The following SCUBE1 variants were observed in gnomAD, a reference collection of about 807,000 sequenced individuals.
SCUBE1 encodes signal peptide, CUB and EGF-like domain-containing protein 1.
A neutral mutation model predicts 124.4 loss-of-function variants in SCUBE1; 59 were observed. That is an observed-to-expected ratio of 0.47 (90% CI 0.38 to 0.59). The LOEUF is 0.59. Ranked by LOEUF, SCUBE1 falls within the 20% of genes least tolerant of loss-of-function variation. The pLI, the probability that SCUBE1 is intolerant of heterozygous loss-of-function variation, is 0.00. For missense variants in SCUBE1, 1,150 were observed against 1,371.2 expected, an observed-to-expected ratio of 0.84 and a Z score of 2.55; for synonymous variants, 545 against 550.9, an observed-to-expected ratio of 0.99 and a Z score of 0.15.
chr22:43,275,091 A>T (rs905421370), intron 4 of SCUBE1, among the ~76,000 whole-genome samples: 5 of 152,160 alleles, frequency 3.3e-5, no homozygotes, highest in Non-Finnish European at 7.4e-5. Context: ...TGTGATGTGG[A>T]GGCGAGGCTG....
At position 43,238,946 on chromosome 22, in the gene SCUBE1, C is replaced by A; in HGVS notation, c.736G>T (p.Ala246Ser). 6.2e-7 allele frequency: 1 copy of A among 1,611,326 alleles called. No homozygotes were observed. The highest frequency in any genetic ancestry group is 1.1e-5 in the South Asian group (1 of 91,066). Residue 246 changes from alanine (A) to serine (S), a missense_variant, in exon 7 of 22, where the codon GCA becomes TCA. Physicochemically the swap from Ala to Ser is moderately conservative, Grantham distance 99. Transcript: ENST00000360835. ...CGGTCGCAGCCTCCGTTATTGACTG[C>A]GCACGTCTCTGGGGAGGGAAAGAGA... Reference protein sequence around the residue: ...SDGRTCIETCAVNNGGCDRTC... With the variant: ...SDGRTCIETCSVNNGGCDRTC...
chr22:43,257,234 G>A (rs1923694626), intron 6 of SCUBE1, among the ~76,000 whole-genome samples: 1 of 152,166 alleles, frequency 6.6e-6, no homozygotes, highest in Admixed American at 6.5e-5. Flanking sequence ...ATGGGCTTCT[G>A]TCTGCTGACC....
rs1232989427 is a variant in SCUBE1 at position 43,214,113 on chromosome 22, G to A, written c.2030C>T (p.Ala677Val). The change falls in exon 16 of 22, where the codon GCC (alanine) becomes GTC (valine). Residue 677 changes from alanine to valine, a missense_variant. Ala to Val is a moderately conservative substitution (Grantham distance 64). Around this residue, in one of 3 missense-constraint regions of SCUBE1, gnomAD observed 757 missense variants for 840.9 expected, o/e 0.90. Transcript: ENST00000360835. ...PSSDGLGLPG[A>V]RNVSECGGQC... ...GCCTCCACATTCCGACACGTTGCGGGCACCAGGCAGACCAAGCCCGTCGCT... is the reference window on the plus strand; with the variant it reads ...GCCTCCACATTCCGACACGTTGCGGACACCAGGCAGACCAAGCCCGTCGCT... 1 of 1,608,980 alleles carries A rather than the reference G, an allele frequency of 6.2e-7. No individual in the cohort carries two copies. Among genetic ancestry groups the A allele is most frequent in the Non-Finnish European group, 8.5e-7 (1 of 1,178,604 alleles).
intron 10 of SCUBE1, among the ~76,000 whole-genome samples, chr22:43,224,734 C>T (rs775892343): frequency 7.2e-5 from 11 of 152,084 alleles, no homozygotes; most frequent in Non-Finnish European, 1.0e-4. Flanking sequence ...ACTGACTGCA[C>T]GGCCCTTTCC....
chr22:43,307,718 G>C (rs952481227), intron 3 of SCUBE1, among the ~76,000 whole-genome samples: 1 of 152,162 alleles, frequency 6.6e-6, no homozygotes, highest in Non-Finnish European at 1.5e-5. Context: ...CAGCCACAGC[G>C]TGAGGCCCCT....
In SCUBE1 at chr22:43,210,039, A is replaced by T. The variant is rs368428945; in HGVS notation, c.2581+4T>A. 1.4e-5 allele frequency: 22 copies of T among 1,600,066 alleles called. No homozygotes were observed. Among genetic ancestry groups the T allele is most frequent in the Non-Finnish European group, 1.6e-5 (19 of 1,172,862 alleles). On this transcript the variant is annotated splice_donor_region_variant and intron_variant, in intron 19 of 21. Transcript: ENST00000360835. The surrounding 1 kb of genome is among the most constrained non-coding windows in gnomAD (Gnocchi z 4.5). ...GCCTCTGGTCCCCTCGGCCCCCAAC[A>T]TACCACTCTTCCTCATGACCAGAAC...
chr22:43,278,960 G>C (rs867879819), intron 4 of SCUBE1, among the ~76,000 whole-genome samples: 53 of 152,164 alleles, frequency 3.5e-4, no homozygotes, highest in African/African-American at 1.2e-3. Context: ...AGACAGGTTT[G>C]GGGGAAGGAC....
intron 2 of SCUBE1, among the ~76,000 whole-genome samples, chr22:43,332,437 C>G (rs530045881): frequency 6.6e-6 from 1 of 152,160 alleles, no homozygotes; most frequent in Non-Finnish European, 1.5e-5. Flanking sequence ...AGCAAGGGAG[C>G]GAGTCCGTGT....
rs550524321 is a variant in SCUBE1, at chr22:43,297,643, C to T, written c.350-6463G>A. Among the ~76,000 whole-genome samples, 9 of 152,366 alleles carry T rather than the reference C, an allele frequency of 5.9e-5. No homozygotes were observed. In the South Asian group the frequency reaches 1.0e-3, roughly 18 times the overall value. ...ATAGGTTGACCCGCTTCCGAAAGGC[C>T]TCTGCAGGCAGGACCAGTTTCCCCG... On this transcript the variant is annotated intron_variant, in intron 3 of 21. Coordinates refer to ENST00000360835, the MANE Select transcript of SCUBE1 (RefSeq NM_173050.5).
At chr22:43,237,253 C>T (rs1028065598) in intron 7 of SCUBE1, among the ~76,000 whole-genome samples, 2 of 152,184 alleles carry the variant, frequency 1.3e-5, no homozygotes, top group African/African-American at 4.8e-5. Flanking sequence ...AGCCCCAATC[C>T]CAGTAGCCCC....
In SCUBE1 at chr22:43,208,149, C is replaced by T. The variant is rs375987078; in HGVS notation, c.2657G>A (p.Arg886His). The T allele has an allele frequency of 2.4e-5, 39 of 1,613,984 alleles. No homozygotes were observed. The highest frequency in any genetic ancestry group is 3.1e-5 in the Non-Finnish European group (36 of 1,180,002). Residue 886 changes from arginine to histidine, a missense_variant, in exon 20 of 22, where the codon CGC (arginine) becomes CAC (histidine). By Grantham distance (29) the Arg-to-His change is conservative. Around this residue, in one of 3 missense-constraint regions of SCUBE1, gnomAD observed 757 missense variants for 840.9 expected, o/e 0.90. Transcript: ENST00000360835. ...GGATTTGAACTGGATCCAGAGCTTGCGGGAGCGGGAGGTGAAGGCGATGGG... is the reference window on the plus strand; with the variant it reads ...GGATTTGAACTGGATCCAGAGCTTGTGGGAGCGGGAGGTGAAGGCGATGGG... Reference protein sequence around the residue: ...ERPIAFTSRSRKLWIQFKSNE... With the variant: ...ERPIAFTSRSHKLWIQFKSNE...
intron 5 of SCUBE1, among the ~76,000 whole-genome samples, chr22:43,259,643 C>A (rs952803606): frequency 3.9e-5 from 6 of 152,192 alleles, no homozygotes; most frequent in Non-Finnish European, 7.4e-5. Context: ...GCCTTGGACA[C>A]ATGCCGTCTC....
chr22:43,262,163 C>A (rs892460450), intron 5 of SCUBE1, among the ~76,000 whole-genome samples: 9 of 152,206 alleles, frequency 5.9e-5, no homozygotes, highest in African/African-American at 2.2e-4. Context: ...GAGTTCTGAT[C>A]TTTACATTTT....
intron 10 of SCUBE1, among the ~76,000 whole-genome samples, chr22:43,224,228 T>C (rs1922216995): frequency 6.6e-6 from 1 of 152,242 alleles, no homozygotes; most frequent in African/African-American, 2.4e-5. Flanking sequence ...ACATTTTGTC[T>C]GTCCTGCTGA....
intron 3 of SCUBE1, among the ~76,000 whole-genome samples, chr22:43,306,858 C>A (rs1044253523): frequency 6.6e-6 from 1 of 152,172 alleles, no homozygotes; most frequent in East Asian, 1.9e-4. Context: ...GAGCCAGGCA[C>A]GGAGAAGTGG....
chr22:43,285,815 C>T (rs1024039598), intron 4 of SCUBE1, among the ~76,000 whole-genome samples: 16 of 152,194 alleles, frequency 1.1e-4, no homozygotes, highest in African/African-American at 3.4e-4. Flanking sequence ...TGCCCCGAGG[C>T]CAAATAGGTG....
chr22:43,339,346 G>A (rs1927191635), intron 1 of SCUBE1, 111 bp from the exon 2 acceptor site: 2 of 1,059,324 alleles, frequency 1.9e-6, no homozygotes, highest in Admixed American at 2.5e-5. Context: ...TGATCGGTGG[G>A]CTCATTGGCA....
intron 6 of SCUBE1, among the ~76,000 whole-genome samples, chr22:43,250,801 A>G (rs865979564): frequency 6.6e-5 from 10 of 152,006 alleles, no homozygotes; most frequent in South Asian, 6.2e-4. Flanking sequence ...GGGTGGTGGG[A>G]CCCCTGGAAT....
intron 1 of SCUBE1, among the ~76,000 whole-genome samples, chr22:43,342,504 G>GC (rs145967925): frequency 3.0e-4 from 43 of 144,898 alleles, no homozygotes; most frequent in South Asian, 1.1e-3. Flanking sequence ...CCCTCTCACC[G>GC]CCCCCCCCAA....
Sources: allele counts gnomAD v4.1 joint callset (sites outside exome capture counted in the v4.1 genomes callset), GRCh38; gene constraint gnomAD v4.1.1; regional missense constraint gnomAD v4.1.1; non-coding constraint Gnocchi (gnomAD v3.1); transcripts MANE v1.5; gene names NCBI Gene and HGNC (gene_info 2026-07-23, HGNC 2026-07-21).